The following AK5 variants were observed in gnomAD, a reference collection of about 807,000 sequenced individuals.
The protein encoded by AK5 is adenylate kinase 5.
In AK5, 27 loss-of-function variants were observed where a neutral mutation model predicts 69.5. The observed-to-expected ratio is 0.39, with a 90% confidence interval of 0.29 to 0.54. The LOEUF (loss-of-function observed/expected upper bound fraction) is 0.54, where lower values mean the gene tolerates loss of function less well. Among genes scored for constraint, AK5 ranks in the 20% least tolerant of loss-of-function variants. The pLI, the probability that AK5 is intolerant of heterozygous loss-of-function variation, is 0.71. For synonymous variants in AK5, 260 were observed against 244.4 expected (o/e 1.06, Z -0.60); for missense variants, 531 against 700.4 (o/e 0.76, Z 2.73).
chr1:77,291,890 C>A (rs572196396), intron 2 of AK5, among the ~76,000 whole-genome samples: 1 of 152,208 alleles, frequency 6.6e-6, no homozygotes, highest in African/African-American at 2.4e-5. Context: ...GGAGGCTGCA[C>A]TGGATTAGGA....
chr1:77,284,832 A>C (rs1421417042), intron 1 of AK5, among the ~76,000 whole-genome samples: 1 of 152,196 alleles, frequency 6.6e-6, no homozygotes, highest in African/African-American at 2.4e-5. Flanking sequence ...AATGGAGCTC[A>C]TTGTCCCATT....
At chr1:77,463,570 TA>T (rs3077577) in intron 8 of AK5, among the ~76,000 whole-genome samples, 331 of 147,388 alleles carry the variant, frequency 2.2e-3, no homozygotes, top group African/African-American at 7.2e-3. Flanking sequence ...TGTTTAGCTT[TA>T]AAAAAAAAAA....
At chr1:77,287,176 C>A in intron 2 of AK5, 49 bp downstream of exon 2, 1 of 1,319,328 alleles carries the variant, frequency 7.6e-7, no homozygotes, top group South Asian at 2.1e-5. Flanking sequence ...TAGCAATTCT[C>A]TTTAAAACAT....
chr1:77,558,312 A>G (rs1307293532), intron 13 of AK5, among the ~76,000 whole-genome samples: 1 of 152,222 alleles, frequency 6.6e-6, no homozygotes, highest in East Asian at 1.9e-4. Context: ...TTGTGTTCCC[A>G]CAAGCAATGA....
At chr1:77,309,627 C>T (rs1659834016) in intron 5 of AK5, among the ~76,000 whole-genome samples, 1 of 152,168 alleles carries the variant, frequency 6.6e-6, no homozygotes, top group Admixed American at 6.5e-5. Flanking sequence ...TTTGTTTTAT[C>T]ATCAGTACTT....
At chr1:77,448,993 A>T (rs1439613520) in intron 8 of AK5, among the ~76,000 whole-genome samples, 1 of 152,116 alleles carries the variant, frequency 6.6e-6, no homozygotes, top group African/African-American at 2.4e-5. Flanking sequence ...GTCCAGGGAG[A>T]AGTTTGCTGC....
intron 10 of AK5, among the ~76,000 whole-genome samples, chr1:77,499,420 A>G (rs926878780): frequency 1.3e-5 from 2 of 152,218 alleles, no homozygotes; most frequent in South Asian, 2.1e-4. Flanking sequence ...GCCAGGCTGC[A>G]GGGAATCCCT....
At chr1:77,505,660 A>G (rs997302734) in intron 10 of AK5, among the ~76,000 whole-genome samples, 6 of 152,134 alleles carry the variant, frequency 3.9e-5, no homozygotes, top group African/African-American at 1.4e-4. Flanking sequence ...TGAGGCCAGG[A>G]GTTCAAGACT....
chr1:77,378,722 A>G (rs112289239), intron 6 of AK5, among the ~76,000 whole-genome samples: 94 of 152,360 alleles, frequency 6.2e-4, no homozygotes, highest in African/African-American at 2.0e-3. Flanking sequence ...TGAAAAAAAT[A>G]TGCAGATGGA....
intron 5 of AK5, among the ~76,000 whole-genome samples, chr1:77,328,568 C>G (rs368559581): frequency 7.3e-6 from 1 of 137,270 alleles, no homozygotes; most frequent in Admixed American, 7.5e-5. Flanking sequence ...GCCTAATGTA[C>G]CCCAATCACT....
At chr1:77,370,832 C>T (rs768806369) in intron 6 of AK5, among the ~76,000 whole-genome samples, 2 of 152,184 alleles carry the variant, frequency 1.3e-5, no homozygotes, top group African/African-American at 2.4e-5. Flanking sequence ...TCCTCCATCC[C>T]AGCTGCACAT....
At chr1:77,326,557 T>C (rs1451823167) in intron 5 of AK5, among the ~76,000 whole-genome samples, 1 of 152,180 alleles carries the variant, frequency 6.6e-6, no homozygotes, top group African/African-American at 2.4e-5. Flanking sequence ...GCATGAAGTA[T>C]TAATGGTGCT....
chr1:77,405,599 G>A (rs991545583), intron 6 of AK5, among the ~76,000 whole-genome samples: 2 of 152,184 alleles, frequency 1.3e-5, no homozygotes, highest in Non-Finnish European at 2.9e-5. Flanking sequence ...GGCTCTTTCA[G>A]CACTTCTAGA....
intron 6 of AK5, among the ~76,000 whole-genome samples, chr1:77,355,681 T>C (rs2100422780): frequency 6.6e-6 from 1 of 152,276 alleles, no homozygotes; most frequent in South Asian, 2.1e-4. Context: ...TTTATGATTC[T>C]ACCATCTTTC....
intron 10 of AK5, among the ~76,000 whole-genome samples, chr1:77,514,742 G>T (rs531364031): frequency 6.6e-6 from 1 of 152,202 alleles, no homozygotes; most frequent in African/African-American, 2.4e-5. Context: ...CCTTTGTGTC[G>T]AGATTTATTA....
intron 6 of AK5, among the ~76,000 whole-genome samples, chr1:77,389,634 T>G (rs1225332811): frequency 6.6e-6 from 1 of 152,210 alleles, no homozygotes; most frequent in Non-Finnish European, 1.5e-5. Context: ...GCAAATTATT[T>G]TATGCATAAT....
chr1:77,529,616 T>C (rs1557656496), intron 12 of AK5, among the ~76,000 whole-genome samples: 1 of 152,292 alleles, frequency 6.6e-6, no homozygotes. Flanking sequence ...AGCCATTTTA[T>C]AGATTCTTAC....
chr1:77,291,019 G>A (rs984270359), intron 2 of AK5, among the ~76,000 whole-genome samples: 6 of 152,194 alleles, frequency 3.9e-5, no homozygotes, highest in Non-Finnish European at 5.9e-5. Context: ...AAGAGGTGAT[G>A]TGCTTATACT....
At chr1:77,376,573 A>G (rs1038845287) in intron 6 of AK5, among the ~76,000 whole-genome samples, 1 of 151,966 alleles carries the variant, frequency 6.6e-6, no homozygotes, top group Non-Finnish European at 1.5e-5. Context: ...AGAACCATTA[A>G]CATTTTAATG....
Sources: allele counts gnomAD v4.1 joint callset (sites outside exome capture counted in the v4.1 genomes callset), GRCh38; gene constraint gnomAD v4.1.1; transcripts MANE v1.5; gene names NCBI Gene and HGNC (gene_info 2026-07-23, HGNC 2026-07-21).